The following TGM1 variants were observed in gnomAD, a reference collection of about 807,000 sequenced individuals.
TGM1 encodes protein-glutamine gamma-glutamyltransferase K.
A neutral mutation model predicts 88.7 loss-of-function variants in TGM1; 63 were observed. That is an observed-to-expected ratio of 0.71 (90% CI 0.58 to 0.88). The LOEUF (loss-of-function observed/expected upper bound fraction) is 0.88. Among genes scored for constraint, TGM1 ranks in the 40% least tolerant of loss-of-function variants. The pLI is 0.00. For missense variants in TGM1, 996 were observed against 1,118.0 expected, an observed-to-expected ratio of 0.89 and a Z score of 1.56; for synonymous variants, 415 against 431.1, an observed-to-expected ratio of 0.96 and a Z score of 0.46.
Position 24,259,562 on chromosome 14 carries a change from A to T in TGM1, c.984+142T>A. On this transcript the variant is annotated intron_variant, in intron 6 of 14. Transcript: ENST00000206765. The surrounding 1 kb of genome is among the most constrained non-coding windows in gnomAD (Gnocchi z 5.7). Reference sequence around the variant, plus strand: ...AGGCAAGGGAGAGAAGAGGAGGGAGACCCCTTCCTGAAGTATCCTTTACGA... The same window carrying T: ...AGGCAAGGGAGAGAAGAGGAGGGAGTCCCCTTCCTGAAGTATCCTTTACGA... 1.3e-6 allele frequency: 1 copy of T among 761,232 alleles called. No individual in the cohort carries two copies. Among genetic ancestry groups the T allele is most frequent in the Non-Finnish European group, 2.3e-6 (1 of 443,394 alleles). 47.2% of individuals were successfully genotyped at this position (761,232 alleles called of 1,614,324 possible). A position where few individuals can be genotyped will look rare whatever the true frequency, so the allele number is the denominator to read the frequency against.
rs2040793628 is a variant in TGM1, at chr14:24,259,932, C to T, written c.876+8G>A. 4 of 1,613,500 alleles carry T rather than the reference C, an allele frequency of 2.5e-6. No homozygotes were observed. Among genetic ancestry groups the T allele is most frequent in the Admixed American group, 1.7e-5 (1 of 60,008 alleles). ...GGGTGTATGTGACCCTGGCCAGCCGCACCATACCTGGCCGTAGTTCCAGGT... is the reference window on the plus strand; with the variant it reads ...GGGTGTATGTGACCCTGGCCAGCCGTACCATACCTGGCCGTAGTTCCAGGT... On this transcript the variant is annotated splice_region_variant and intron_variant, in intron 5 of 14. Coordinates refer to ENST00000206765, the MANE Select transcript of TGM1 (RefSeq NM_000359.3). This position sits in a 1 kb window ranked among gnomAD's most constrained non-coding sequence, Gnocchi z 5.7.
Position 24,249,512 on chromosome 14 carries a change from A to C in TGM1, c.2255T>G (p.Leu752Arg), listed in dbSNP as rs774241352. The change falls in exon 15 of 15, where the codon CTG (leucine) becomes CGG (arginine). Residue 752 changes from leucine to arginine, a missense_variant. By Grantham distance (102) the Leu-to-Arg change is moderately radical (BLOSUM62 -2). Coordinates refer to ENST00000206765, the MANE Select transcript of TGM1 (RefSeq NM_000359.3). ...GDIGGNETVT[L>R]RQSFVPVRPG... ...TCGCACAGGCACAAACGACTGGCGCAGTGTCACTGTTTCATTGCCTCCAAT... is the reference window on the plus strand; with the variant it reads ...TCGCACAGGCACAAACGACTGGCGCCGTGTCACTGTTTCATTGCCTCCAAT... The C allele has an allele frequency of 6.2e-7, 1 of 1,614,122 alleles. No individual in the cohort carries two copies. The highest frequency in any genetic ancestry group is 8.5e-7 in the Non-Finnish European group (1 of 1,180,002).
Position 24,260,586 on chromosome 14 carries a change from C to G in TGM1, c.621G>C (p.Leu207=), listed in dbSNP as rs1269510857. The part of the protein sequence containing the change: ...VVKASGQNLN[L]RVHTSPNAII... The stretch of plus-strand genomic sequence containing the variant: ...TGGCGTTGGGGGAAGTGTGGACCCG[C>G]AGGTTCAGATTCTGCCCACTGGCCT... The change falls in exon 4 of 15, where the codon CTG becomes CTC. Residue 207 remains leucine, a synonymous_variant. Coordinates refer to ENST00000206765, the MANE Select transcript of TGM1 (RefSeq NM_000359.3). 6.2e-7 allele frequency: 1 copy of G among 1,614,218 alleles called. No homozygotes were observed. Among genetic ancestry groups the G allele is most frequent in the East Asian group, 2.2e-5 (1 of 44,880 alleles).
At position 24,261,737 on chromosome 14, in the gene TGM1, T is replaced by C. The variant is rs1415531172; in HGVS notation, c.466A>G (p.Thr156Ala). ...PFHMLLLLSR[T>A]YESSDRITLE... ...GTGATGCGATCAGAGGATTCATAGGTCCGGGACAGGAGGAGGAGCATATGG... is the reference window on the plus strand; with the variant it reads ...GTGATGCGATCAGAGGATTCATAGGCCCGGGACAGGAGGAGGAGCATATGG... The change falls in exon 3 of 15, where the codon ACC becomes GCC. Residue 156 changes from threonine (T) to alanine (A), a missense_variant. Coordinates refer to ENST00000206765, the MANE Select transcript of TGM1 (RefSeq NM_000359.3). 1 of 1,613,692 alleles carries C rather than the reference T, an allele frequency of 6.2e-7. No individual in the cohort carries two copies. The highest frequency in any genetic ancestry group is 8.5e-7 in the Non-Finnish European group (1 of 1,179,988).
intron 13 of TGM1, 125 bp from the exon 14 acceptor site, chr14:24,254,413 C>A: frequency 6.9e-7 from 1 of 1,445,742 alleles, no homozygotes; most frequent in East Asian, 2.3e-5. Context: ...CATTTATCCT[C>A]CTGAGAGAAG....
In TGM1 at chr14:24,260,210, A is replaced by G. The variant is rs1399861171; in HGVS notation, c.758-152T>C. ...ACTGCTGTGGGAGGACACGGGGAGC[A>G]TGACAGATGGTGGAGGAGATTGGCT... is the stretch of plus-strand genomic sequence containing the variant. On this transcript the variant is annotated intron_variant, in intron 4 of 14. Coordinates refer to ENST00000206765, the MANE Select transcript of TGM1 (RefSeq NM_000359.3). The G allele has an allele frequency of 3.2e-6, 3 of 937,188 alleles. No homozygotes were observed. The South Asian group carries it at 4.1e-5, about 13-fold the overall frequency. 58.1% of individuals were successfully genotyped at this position (937,188 alleles called of 1,614,324 possible). A position where few individuals can be genotyped will look rare whatever the true frequency, so the allele number is the denominator to read the frequency against.
In TGM1 at chr14:24,260,259, G is replaced by C; in HGVS notation, c.757+191C>G. The stretch of plus-strand genomic sequence containing the variant: ...CTGTAGCCAGGGGCCTTTGCCAGGA[G>C]AGGTGTGGCTGGCTGTGTGACCCTG... On this transcript the variant is annotated intron_variant, in intron 4 of 14. Coordinates refer to ENST00000206765, the MANE Select transcript of TGM1 (RefSeq NM_000359.3). 3 of 1,019,742 alleles carry C rather than the reference G, an allele frequency of 2.9e-6. No homozygotes were observed. In the Middle Eastern group the frequency reaches 8.6e-4, roughly 292 times the overall value. 63.2% of individuals were successfully genotyped at this position (1,019,742 alleles called of 1,614,324 possible).
At chr14:24,260,768 C>T in intron 3 of TGM1, 70 bp from the exon 4 acceptor site, 1 of 1,604,734 alleles carries the variant, frequency 6.2e-7, no homozygotes, top group Middle Eastern at 1.7e-4. Flanking sequence ...TGGGACTTCT[C>T]CCGGCCCCAC....
At position 24,260,669 on chromosome 14, in the gene TGM1, G is replaced by A. The variant is rs1478015117; in HGVS notation, c.538C>T (p.His180Tyr). Reference sequence around the variant, plus strand: ...CCCTTGCCCACTGGGATGATCACGTGCGTGCCCTTGCCCACCTCGGGGTTG... The same window carrying A: ...CCCTTGCCCACTGGGATGATCACGTACGTGCCCTTGCCCACCTCGGGGTTG... ...GNNPEVGKGTHVIIPVGKGGS... is the reference protein window; with the variant it reads ...GNNPEVGKGTYVIIPVGKGGS... Residue 180 changes from histidine (H) to tyrosine (Y), a missense_variant, in exon 4 of 15, where the codon CAC (histidine) becomes TAC (tyrosine). Physicochemically the swap from His to Tyr is moderately conservative, Grantham distance 83 (BLOSUM62 2). Transcript: ENST00000206765. The A allele has an allele frequency of 1.2e-6, 2 of 1,613,992 alleles. No individual in the cohort carries two copies. The highest frequency in any genetic ancestry group is 1.7e-6 in the Non-Finnish European group (2 of 1,180,036).
Position 24,258,563 on chromosome 14 carries a change from G to T in TGM1, c.1270C>A (p.Leu424Met), listed in dbSNP as rs1324307442. 6.2e-7 allele frequency: 1 copy of T among 1,613,996 alleles called. No homozygotes were observed. The highest frequency in any genetic ancestry group is 2.2e-5 in the East Asian group (1 of 44,884). The change falls in exon 8 of 15, where the codon CTG becomes ATG. Residue 424 changes from leucine to methionine, a missense_variant. Physicochemically the swap from Leu to Met is conservative, Grantham distance 15. Transcript: ENST00000206765. ...DIYFDENMKPLEHLNHDSVWN... is the reference protein window; with the variant it reads ...DIYFDENMKPMEHLNHDSVWN... ...ACAGAATCATGGTTCAGGTGCTCCAGGGGCTTCATGTTCTCGTCGAAGTAG... is the reference window on the plus strand; with the variant it reads ...ACAGAATCATGGTTCAGGTGCTCCATGGGCTTCATGTTCTCGTCGAAGTAG...
chr14:24,258,105 T>C (rs2040771251), intron 9 of TGM1, among the ~76,000 whole-genome samples, 180 bp downstream of exon 9: 1 of 152,248 alleles, frequency 6.6e-6, no homozygotes, highest in Non-Finnish European at 1.5e-5. Flanking sequence ...TAGAGAGTTA[T>C]ATAGAATGGT....
At chr14:24,260,239 G>C (rs1486100099) in intron 4 of TGM1, 181 bp from the exon 5 acceptor site, 2 of 968,308 alleles carry the variant, frequency 2.1e-6, no homozygotes, top group African/African-American at 3.2e-5. Context: ...ATTGGCTGTA[G>C]CCAGGGGCCT....
At chr14:24,257,285 A>G (rs2040760355) in intron 9 of TGM1, among the ~76,000 whole-genome samples, 1 of 152,174 alleles carries the variant, frequency 6.6e-6, no homozygotes, top group African/African-American at 2.4e-5. Flanking sequence ...GCTGGACAGA[A>G]GGTAGCTGGC....
chr14:24,251,028 C>T (rs1282209972), intron 14 of TGM1, among the ~76,000 whole-genome samples: 11 of 152,168 alleles, frequency 7.2e-5, no homozygotes. Context: ...CCACTCTACT[C>T]CCTTTTCTAC....
Position 24,260,501 on chromosome 14 carries a change from G to A in TGM1, c.706C>T (p.Pro236Ser), listed in dbSNP as rs371837832. Residue 236 changes from proline (P) to serine (S), a missense_variant, in exon 4 of 15, where the codon CCC becomes TCC. By Grantham distance (74) the Pro-to-Ser change is moderately conservative. Coordinates refer to ENST00000206765, the MANE Select transcript of TGM1 (RefSeq NM_000359.3). Reference sequence around the variant, plus strand: ...TAGATCTCATTGCGGGGGTCAAAGGGCAACTGGAACTCCCCAGCGTCTGAT... The same window carrying A: ...TAGATCTCATTGCGGGGGTCAAAGGACAACTGGAACTCCCCAGCGTCTGAT... ...TQSDAGEFQL[P>S]FDPRNEIYIL... The A allele has an allele frequency of 4.2e-5, 68 of 1,613,706 alleles. No individual in the cohort carries two copies. The highest frequency in any genetic ancestry group is 5.6e-5 in the Non-Finnish European group (66 of 1,179,938).
chr14:24,252,038 A>C lies in TGM1; in HGVS notation c.2225+2114T>G, dbSNP rs1334507134. Among the ~76,000 whole-genome samples the C allele has an allele frequency of 2.6e-5, 4 of 152,168 alleles. No homozygotes were observed. In the East Asian group the frequency reaches 7.7e-4, roughly 29 times the overall value. ...AGCCATCTGGAGGAGTGAGTTCTGGAATGTTTATTAAGTGGCCAGTCACCA... is the reference window on the plus strand; with the variant it reads ...AGCCATCTGGAGGAGTGAGTTCTGGCATGTTTATTAAGTGGCCAGTCACCA... On this transcript the variant is annotated intron_variant, in intron 14 of 14. Transcript: ENST00000206765.
At chr14:24,249,787 T>C (rs1566374230) in intron 14 of TGM1, among the ~76,000 whole-genome samples, 1 of 151,884 alleles carries the variant, frequency 6.6e-6, no homozygotes, top group East Asian at 1.9e-4. Context: ...CCCTCCCTGC[T>C]CCCACATCCA....
chr14:24,250,749 G>GCA (rs1241227180), intron 14 of TGM1, among the ~76,000 whole-genome samples: 1 of 152,146 alleles, frequency 6.6e-6, no homozygotes, highest in African/African-American at 2.4e-5. Flanking sequence ...CCAGCAATCT[G>GCA]CACGTTTCAT....
At chr14:24,260,282 C>A in intron 4 of TGM1, 168 bp downstream of exon 4, 1 of 1,189,242 alleles carries the variant, frequency 8.4e-7, no homozygotes, top group South Asian at 1.3e-5. Flanking sequence ...CTGTGTGACC[C>A]TGGGCTGGCC....
Sources: gnomAD v4.1 joint callset for allele counts (sites outside exome capture counted in the v4.1 genomes callset) on GRCh38, gnomAD v4.1.1 for gene constraint, Gnocchi (gnomAD v3.1) non-coding constraint, MANE v1.5 for transcripts, NCBI Gene and HGNC (gene_info 2026-07-23, HGNC 2026-07-21) for gene names.